Variants in GPS2 observed in about 807,000 individuals in gnomAD.
GPS2 encodes G protein pathway suppressor 2, also known as GPS-2.
In GPS2, 22 loss-of-function variants were observed where a neutral mutation model predicts 48.1. The observed-to-expected ratio is 0.46, with a 90% confidence interval of 0.33 to 0.65. The LOEUF (loss-of-function observed/expected upper bound fraction) is 0.65. GPS2 is among the 30% of genes least tolerant of loss of function. GPS2 has a pLI of 0.03. For synonymous variants in GPS2, 202 were observed against 142.5 expected (o/e 1.42, Z -2.98); for missense variants, 366 against 406.8 (o/e 0.90, Z 0.86).
rs373622628 is a variant in GPS2, at chr17:7,313,504, T to C, written c.635-35A>G. The C allele has an allele frequency of 3.9e-5, 63 of 1,613,546 alleles. No individual in the cohort carries two copies. In the African/African-American group the frequency reaches 7.7e-4, roughly 20 times the overall value. On this transcript the variant is annotated intron_variant, in intron 7 of 10. Coordinates refer to ENST00000380728, the MANE Select transcript of GPS2 (RefSeq NM_004489.5). ...GAAAAGACAGAGCCATTAAAATCTT[T>C]TACTGAATGGCATTCCTCCTTTGAC...
In GPS2 at chr17:7,313,584, A is replaced by G. The variant is rs761096798; in HGVS notation, c.618T>C (p.Pro206=). The change falls in exon 7 of 11, where the codon CCT becomes CCC. Residue 206 remains proline (P), a synonymous_variant. Transcript: ENST00000380728. Reference sequence around the variant, plus strand: ...ATTACTCACCTCTGAGCTGCTGACTAGGACTATAAGCTGGCTGTGTGGGCC... The same window carrying G: ...ATTACTCACCTCTGAGCTGCTGACTGGGACTATAAGCTGGCTGTGTGGGCC... ...HYGPTQPAYS[P]SQQLRAPSAF... The G allele has an allele frequency of 1.9e-6, 3 of 1,614,028 alleles. No homozygotes were observed. Among genetic ancestry groups the G allele is most frequent in the Non-Finnish European group, 2.5e-6 (3 of 1,179,964 alleles).
chr17:7,314,717 G>C, intron 2 of GPS2, 120 bp from the exon 3 acceptor site: 1 of 1,557,926 alleles, frequency 6.4e-7, no homozygotes, highest in Non-Finnish European at 8.7e-7. Context: ...GCCTCGAGGG[G>C]ACAAGCTCCC....
At chr17:7,312,900 C>G in intron 10 of GPS2, 61 bp from the exon 11 acceptor site, 1 of 1,525,646 alleles carries the variant, frequency 6.6e-7, no homozygotes, top group Non-Finnish European at 9.1e-7. Context: ...CCACTTAATA[C>G]CCTACTGATA....
At chr17:7,314,634 G>A in intron 2 of GPS2, 37 bp from the exon 3 acceptor site, 2 of 1,613,314 alleles carry the variant, frequency 1.2e-6, no homozygotes, top group Non-Finnish European at 1.7e-6. Flanking sequence ...AGGCAGGGTA[G>A]TGAAAACAAT....
Position 7,313,115 on chromosome 17 carries a change from G to A in GPS2, c.814C>T (p.Arg272Cys), listed in dbSNP as rs192050225. 43 of 1,595,964 alleles carry A rather than the reference G, an allele frequency of 2.7e-5. No individual in the cohort carries two copies. In the Middle Eastern group the frequency reaches 5.0e-4, roughly 19 times the overall value. The change falls in exon 10 of 11, where the codon CGC becomes TGC. Residue 272 changes from arginine to cysteine, a missense_variant. Arg to Cys is a radical substitution (Grantham distance 180). Around this residue, in one of 3 missense-constraint regions of GPS2, gnomAD observed 275 missense variants for 282.3 expected, o/e 0.97. Transcript: ENST00000380728. ...TGCAGAGCCTGGGGGTGCATGGGGC[G>A]CAGAGAGGACTGCAGAGAACAGAGT... ...QTGFSDSSSLRPMHPQALHPA... is the reference protein window; with the variant it reads ...QTGFSDSSSLCPMHPQALHPA...
Position 7,313,104 on chromosome 17 carries a change from G to C in GPS2, c.825C>G (p.His275Gln). Residue 275 changes from histidine (H) to glutamine (Q), a missense_variant, in exon 10 of 11, where the codon CAC (histidine) becomes CAG (glutamine). Transcript: ENST00000380728. ...FSDSSSLRPM[H>Q]PQALHPAPGL... is the part of the protein sequence containing the mutation. ...CAGGGGCTGGATGCAGAGCCTGGGG[G>C]TGCATGGGGCGCAGAGAGGACTGCA... is the stretch of plus-strand genomic sequence containing the variant. 1 of 1,587,876 alleles carries C rather than the reference G, an allele frequency of 6.3e-7. No homozygotes were observed. The highest frequency in any genetic ancestry group is 8.6e-7 in the Non-Finnish European group (1 of 1,163,538).
Position 7,312,689 on chromosome 17 carries a change from G to T in GPS2, c.*67C>A. On this transcript the variant is annotated 3_prime_UTR_variant, in exon 11 of 11. Transcript: ENST00000380728. ...TGGCAGGTAGATTTTATTGGCCTGG[G>T]ACACACAGGGGATACCCTCACCCAC... The T allele has an allele frequency of 8.0e-7, 1 of 1,250,078 alleles. No individual in the cohort carries two copies. The highest frequency in any genetic ancestry group is 1.2e-6 in the Non-Finnish European group (1 of 848,968). 77.4% of individuals were successfully genotyped at this position (1,250,078 alleles called of 1,614,324 possible).
Position 7,313,275 on chromosome 17 carries a change from A to T in GPS2, c.741T>A (p.Gly247=). The T allele has an allele frequency of 6.2e-7, 1 of 1,614,150 alleles. No individual in the cohort carries two copies. The highest frequency in any genetic ancestry group is 8.5e-7 in the Non-Finnish European group (1 of 1,179,988). ...TCTGCTTTTGCAAGGACAGGGCACC[A>T]CCAGGCTGGAGGAAACCTAGGTGGG... ...QPTQTGFLQP[G]GALSLQKQME... Residue 247 remains glycine, a synonymous_variant, in exon 9 of 11, where the codon GGT becomes GGA. Coordinates refer to ENST00000380728, the MANE Select transcript of GPS2 (RefSeq NM_004489.5).
rs530877542 is a variant in GPS2 at position 7,312,837 on chromosome 17, C to G, written c.903G>C (p.Ser301=). The part of the protein sequence containing the change: ...LPVQMQPAGK[S]GFAATSQPGP... The stretch of plus-strand genomic sequence containing the variant: ...CAGGTTGGCTGGTAGCTGCAAAGCC[C>G]GACTGGTGGTGGTGATGAAAAGAGG... The change falls in exon 11 of 11, where the codon TCG becomes TCC. Residue 301 remains serine, a splice_region_variant and synonymous_variant. Coordinates refer to ENST00000380728, the MANE Select transcript of GPS2 (RefSeq NM_004489.5). 8 of 1,613,480 alleles carry G rather than the reference C, an allele frequency of 5.0e-6. No individual in the cohort carries two copies. Among genetic ancestry groups the G allele is most frequent in the Admixed American group, 1.7e-5 (1 of 59,994 alleles).
intron 1 of GPS2, 63 bp from the exon 2 acceptor site, chr17:7,315,182 G>A: frequency 2.1e-6 from 1 of 484,292 alleles, no homozygotes; most frequent in Admixed American, 4.6e-5. Flanking sequence ...CGTCCGCCCG[G>A]CCCGCTCGCC....
At chr17:7,312,894 T>A in intron 10 of GPS2, 55 bp from the exon 11 acceptor site, 1 of 1,542,780 alleles carries the variant, frequency 6.5e-7, no homozygotes, top group Non-Finnish European at 9.0e-7. Flanking sequence ...TCCCTTCCAC[T>A]TAATACCCTA....
rs201534195 is a variant in GPS2 at position 7,314,003 on chromosome 17, G to A, written c.398-15C>T. ...TCCAGGGCTCCCTAGAAAGGGAGAAGGGCTTCATGATGCTGAAATGGGAGG... is the reference window on the plus strand; with the variant it reads ...TCCAGGGCTCCCTAGAAAGGGAGAAAGGCTTCATGATGCTGAAATGGGAGG... On this transcript the variant is annotated splice_polypyrimidine_tract_variant and intron_variant, in intron 5 of 10. Coordinates refer to ENST00000380728, the MANE Select transcript of GPS2 (RefSeq NM_004489.5). 7.4e-6 allele frequency: 12 copies of A among 1,612,762 alleles called. No individual in the cohort carries two copies. Among genetic ancestry groups the A allele is most frequent in the Non-Finnish European group, 1.0e-5 (12 of 1,178,926 alleles).
Position 7,312,831 on chromosome 17 carries a change from A to G in GPS2, c.909T>C (p.Phe303=). ...VQMQPAGKSG[F]AATSQPGPRL... ...GAGGGCCAGGTTGGCTGGTAGCTGC[A>G]AAGCCCGACTGGTGGTGGTGATGAA... The change falls in exon 11 of 11, where the codon TTT becomes TTC. Residue 303 remains phenylalanine (F), a synonymous_variant. Coordinates refer to ENST00000380728, the MANE Select transcript of GPS2 (RefSeq NM_004489.5). The G allele has an allele frequency of 6.2e-7, 1 of 1,613,868 alleles. No homozygotes were observed. Among genetic ancestry groups the G allele is most frequent in the Non-Finnish European group, 8.5e-7 (1 of 1,179,822 alleles).
chr17:7,313,076 G>A lies in GPS2; in HGVS notation c.853C>T (p.Leu285Phe). ...HPQALHPAPG[L>F]LASPQLPVQM... Reference sequence around the variant, plus strand: ...ACAGGGAGCTGGGGGGAAGCAAGGAGTCCAGGGGCTGGATGCAGAGCCTGG... The same window carrying A: ...ACAGGGAGCTGGGGGGAAGCAAGGAATCCAGGGGCTGGATGCAGAGCCTGG... Residue 285 changes from leucine to phenylalanine, a missense_variant, in exon 10 of 11, where the codon CTC becomes TTC. Coordinates refer to ENST00000380728, the MANE Select transcript of GPS2 (RefSeq NM_004489.5). 6.4e-7 allele frequency: 1 copy of A among 1,568,706 alleles called. No individual in the cohort carries two copies. The highest frequency in any genetic ancestry group is 8.7e-7 in the Non-Finnish European group (1 of 1,155,130).
chr17:7,314,669 G>C (rs2072913933), intron 2 of GPS2, 72 bp from the exon 3 acceptor site: 1 of 1,605,782 alleles, frequency 6.2e-7, no homozygotes, highest in South Asian at 1.1e-5. Context: ...TTGAAGACCA[G>C]CAAAACCCAG....
In GPS2 at chr17:7,312,727, G is replaced by C. The variant is rs766436965; in HGVS notation, c.*29C>G. 2.3e-5 allele frequency: 36 copies of C among 1,542,252 alleles called. No homozygotes were observed. Among genetic ancestry groups the C allele is most frequent in the Non-Finnish European group, 2.9e-5 (32 of 1,114,548 alleles). On this transcript the variant is annotated 3_prime_UTR_variant, in exon 11 of 11. Transcript: ENST00000380728. The stretch of plus-strand genomic sequence containing the variant: ...TACCCTCACCCACGATGGGGTGGGG[G>C]GTGTGGTGTTGAAGATATAATCTGA...
Position 7,314,180 on chromosome 17 carries a change from G to A in GPS2, c.318-21C>T, listed in dbSNP as rs2072905534. 1.9e-6 allele frequency: 3 copies of A among 1,576,454 alleles called. No homozygotes were observed. In the African/African-American group the frequency reaches 4.6e-5, roughly 24 times the overall value. On this transcript the variant is annotated intron_variant, in intron 4 of 10. Coordinates refer to ENST00000380728, the MANE Select transcript of GPS2 (RefSeq NM_004489.5). ...GGTCACTGGAGTGAAAGGAAGACAGGTCAAAGTCAAGGACAGATGCCTTCT... is the reference window on the plus strand; with the variant it reads ...GGTCACTGGAGTGAAAGGAAGACAGATCAAAGTCAAGGACAGATGCCTTCT...
chr17:7,313,359 T>C, intron 8 of GPS2, 21 bp downstream of exon 8: 1 of 1,612,458 alleles, frequency 6.2e-7, no homozygotes, highest in South Asian at 1.1e-5. Flanking sequence ...GAGCTAGAGC[T>C]CCTGCATGGG....
Position 7,315,041 on chromosome 17 carries a change from G to A in GPS2, c.12C>T (p.Leu4=), listed in dbSNP as rs1440579765. Residue 4 remains leucine (L), a synonymous_variant, in exon 2 of 11, where the codon CTC becomes CTT. Transcript: ENST00000380728. MPA[L]LERPKLSNAM... is the part of the protein sequence containing the mutation. Reference sequence around the variant, plus strand: ...CGTTGGAAAGCTTGGGGCGCTCCAGGAGTGCGGGCATGGTGCTGCCGTGGG... The same window carrying A: ...CGTTGGAAAGCTTGGGGCGCTCCAGAAGTGCGGGCATGGTGCTGCCGTGGG... The A allele has an allele frequency of 6.2e-7, 1 of 1,600,424 alleles. No homozygotes were observed. The highest frequency in any genetic ancestry group is 8.5e-7 in the Non-Finnish European group (1 of 1,174,838).
Sources: allele counts gnomAD v4.1 joint callset, GRCh38; gene constraint gnomAD v4.1.1; regional missense constraint gnomAD v4.1.1; transcripts MANE v1.5; gene names NCBI Gene and HGNC (gene_info 2026-07-23, HGNC 2026-07-21).